VWDE: variants seen among roughly 807,000 people sequenced by gnomAD.
VWDE encodes von Willebrand factor D and EGF domain-containing protein.
VWDE carries 207 observed loss-of-function variants against 178.4 expected under a neutral mutation model. That is an observed-to-expected ratio of 1.16 (90% confidence interval 1.04 to 1.30). The LOEUF is 1.30. VWDE is among the 50% of genes most tolerant of loss of function. The pLI, the probability that VWDE is intolerant of heterozygous loss-of-function variation, is 0.00. For missense variants in VWDE, 2,287 were observed against 1,901.3 expected, an observed-to-expected ratio of 1.20 and a Z score of -3.77; for synonymous variants, 738 against 651.4, an observed-to-expected ratio of 1.13 and a Z score of -2.02.
At chr7:12,367,568 C>G in intron 12 of VWDE, 75 bp from the exon 13 acceptor site, 1 of 1,243,838 alleles carries the variant, frequency 8.0e-7, no homozygotes, top group Non-Finnish European at 1.1e-6. Context: ...TTTCCAAGCC[C>G]CAAATTAAAA....
At chr7:12,380,238 T>C (rs1361650132) in intron 5 of VWDE, among the ~76,000 whole-genome samples, 1 of 151,000 alleles carries the variant, frequency 6.6e-6, no homozygotes, top group South Asian at 2.1e-4. Flanking sequence ...AATAAATATA[T>C]ATATAAAAAA....
intron 1 of VWDE, among the ~76,000 whole-genome samples, chr7:12,403,087 G>T (rs1321898108): frequency 6.6e-6 from 1 of 152,088 alleles, no homozygotes; most frequent in African/African-American, 2.4e-5. Flanking sequence ...GAAGTAGGAG[G>T]GGAGTATTCG....
chr7:12,402,299 A>C (rs1409347629), intron 1 of VWDE, among the ~76,000 whole-genome samples: 1 of 152,248 alleles, frequency 6.6e-6, no homozygotes, highest in Non-Finnish European at 1.5e-5. Context: ...AAAACCATAG[A>C]GTCGCACACT....
rs370531155 is a variant in VWDE at position 12,385,033 on chromosome 7, TAG to T, written c.476-1434_476-1433del. 6.6e-4 allele frequency among the ~76,000 whole-genome samples: 101 copies of T among 152,282 alleles called. No individual in the cohort carries two copies. The South Asian group carries it at 0.011, about 17-fold the overall frequency. ...AATATAACACATATTCATATTTCCA[TAG>T]AGTCTTCTAAATAAATAATATTTCA... On this transcript the variant is annotated intron_variant, in intron 3 of 28. Coordinates refer to ENST00000275358, the MANE Select transcript of VWDE (RefSeq NM_001135924.3).
At chr7:12,344,608 G>C in intron 19 of VWDE, 139 bp from the exon 20 acceptor site, 2 of 650,002 alleles carry the variant, frequency 3.1e-6, no homozygotes, top group Non-Finnish European at 5.1e-6. Context: ...TACTGAGAAC[G>C]TAAGAATACT....
rs566126878 is a variant in VWDE at position 12,367,316 on chromosome 7, C to T, written c.2898+41G>A. On this transcript the variant is annotated intron_variant, in intron 13 of 28. Transcript: ENST00000275358. The stretch of plus-strand genomic sequence containing the variant: ...TCCAAGATAATATTAATCTGAGTAT[C>T]TCATACACTCTATTGTTTCTGAACT... 5 of 1,464,318 alleles carry T rather than the reference C, an allele frequency of 3.4e-6. No individual in the cohort carries two copies. The African/African-American group carries it at 7.2e-5, about 21-fold the overall frequency. 90.7% of individuals were successfully genotyped at this position (1,464,318 alleles called of 1,614,324 possible).
Position 12,340,383 on chromosome 7 carries a change from C to T in VWDE, c.4305G>A (p.Ser1435=), listed in dbSNP as rs756542750. Residue 1435 remains serine (S), a synonymous_variant, in exon 24 of 29, where the codon TCG becomes TCA. Coordinates refer to ENST00000275358, the MANE Select transcript of VWDE (RefSeq NM_001135924.3). Reference sequence around the variant, plus strand: ...AGAGGCAAGTATTTGGCTTATTACACGAACCACCATTGAGGCAGACAGGGT... The same window carrying T: ...AGAGGCAAGTATTTGGCTTATTACATGAACCACCATTGAGGCAGACAGGGT... ...LCDPVCLNGG[S]CNKPNTCLCP... The T allele has an allele frequency of 1.2e-5, 18 of 1,551,430 alleles. No homozygotes were observed. Among genetic ancestry groups the T allele is most frequent in the Middle Eastern group, 3.3e-4 (2 of 5,992 alleles).
Position 12,359,601 on chromosome 7 carries a change from C to G in VWDE, c.3251G>C (p.Arg1084Thr), listed in dbSNP as rs557910479. Residue 1084 changes from arginine (R) to threonine (T), a missense_variant, in exon 16 of 29, where the codon AGA becomes ACA. Physicochemically the swap from Arg to Thr is moderately conservative, Grantham distance 71. Transcript: ENST00000275358. The part of the protein sequence containing the change: ...PCLICRPKIS[R>T]FTWSFLENNQ... ...ACTTTCTAAAAATGACCAAGTAAATCTTGAAATTTTGGGTCTACAAATCAA... is the reference window on the plus strand; with the variant it reads ...ACTTTCTAAAAATGACCAAGTAAATGTTGAAATTTTGGGTCTACAAATCAA... 1.9e-5 allele frequency: 29 copies of G among 1,549,500 alleles called. No individual in the cohort carries two copies. Among genetic ancestry groups the G allele is most frequent in the Non-Finnish European group, 2.4e-5 (27 of 1,145,650 alleles).
At chr7:12,396,872 T>G (rs1583359006) in intron 1 of VWDE, among the ~76,000 whole-genome samples, 1 of 152,128 alleles carries the variant, frequency 6.6e-6, no homozygotes, top group African/African-American at 2.4e-5. Context: ...GAGATGGAAG[T>G]TGCAGTTGGC....
chr7:12,364,971 T>C (rs1278792498), intron 13 of VWDE, among the ~76,000 whole-genome samples: 3 of 152,088 alleles, frequency 2.0e-5, no homozygotes, highest in Non-Finnish European at 4.4e-5. Flanking sequence ...CAACATGGCA[T>C]GACCTCAATC....
intron 9 of VWDE, 139 bp from the exon 10 acceptor site, chr7:12,373,386 A>G (rs1323254311): frequency 3.7e-6 from 3 of 813,432 alleles, no homozygotes; most frequent in East Asian, 5.3e-5. Flanking sequence ...TAAACACCTC[A>G]ATCTCTCCCA....
Position 12,331,118 on chromosome 7 carries a change from C to A in VWDE, c.*65G>T. ...CAAATAAACTCCAAGTTATCTCCAA[C>A]TTTTTCTGAACAAAATATTTCCATT... On this transcript the variant is annotated 3_prime_UTR_variant, in exon 29 of 29. Coordinates refer to ENST00000275358, the MANE Select transcript of VWDE (RefSeq NM_001135924.3). 1 of 1,419,048 alleles carries A rather than the reference C, an allele frequency of 7.0e-7. No individual in the cohort carries two copies. Among genetic ancestry groups the A allele is most frequent in the Non-Finnish European group, 9.5e-7 (1 of 1,050,520 alleles). 87.9% of individuals were successfully genotyped at this position (1,419,048 alleles called of 1,614,324 possible).
intron 16 of VWDE, among the ~76,000 whole-genome samples, chr7:12,358,384 A>AAGG (rs71027493): frequency 2.1e-5 from 3 of 144,252 alleles, no homozygotes; most frequent in African/African-American, 8.4e-5. Flanking sequence ...AAAAAATAAA[A>AAGG]GGTGGGGGGG....
chr7:12,363,553 G>C (rs772070325), intron 13 of VWDE, among the ~76,000 whole-genome samples: 19 of 151,822 alleles, frequency 1.3e-4, no homozygotes, highest in Non-Finnish European at 2.9e-5. Context: ...TACAAAAGTA[G>C]AAAAAAGCAT....
intron 7 of VWDE, among the ~76,000 whole-genome samples, chr7:12,377,041 C>T (rs1783569475): frequency 6.6e-6 from 1 of 151,954 alleles, no homozygotes; most frequent in Admixed American, 6.6e-5. Flanking sequence ...TGTGGTATGC[C>T]AATGAAATTG....
At chr7:12,394,991 T>G (rs2128563191) in intron 1 of VWDE, among the ~76,000 whole-genome samples, 1 of 152,260 alleles carries the variant, frequency 6.6e-6, no homozygotes, top group South Asian at 2.1e-4. Flanking sequence ...TCATTATAAT[T>G]AGAATTATAT....
In VWDE at chr7:12,342,798, C is replaced by G. The variant is rs1475803428; in HGVS notation, c.4174+285G>C. ...CTGCACCCATCAACTCGTCATTTAG[C>G]ATTAGGTATATCTCCTAATGCCATC... On this transcript the variant is annotated intron_variant, in intron 22 of 28. Coordinates refer to ENST00000275358, the MANE Select transcript of VWDE (RefSeq NM_001135924.3). Among the ~76,000 whole-genome samples the G allele has an allele frequency of 3.9e-5, 6 of 151,904 alleles. No homozygotes were observed. The East Asian group carries it at 1.2e-3, about 29-fold the overall frequency.
rs138244356 is a variant in VWDE, at chr7:12,367,744, TTAA to T, written c.2762-254_2762-252del. Among the ~76,000 whole-genome samples the T allele has an allele frequency of 9.2e-3, 1,394 of 152,210 alleles. 31 individuals carry two copies. Among genetic ancestry groups the T allele is most frequent in the African/African-American group, 0.032 (1,344 of 41,544 alleles). ...CTAAAATCACAGGTTTCACTAATGT[TTAA>T]TAATATTTTATATCAATTAAGGACA... is the stretch of plus-strand genomic sequence containing the variant. On this transcript the variant is annotated intron_variant, in intron 12 of 28. Transcript: ENST00000275358.
At chr7:12,368,249 A>G (rs1249976577) in intron 12 of VWDE, among the ~76,000 whole-genome samples, 2 of 150,550 alleles carry the variant, frequency 1.3e-5, no homozygotes, top group Non-Finnish European at 3.0e-5. Context: ...AAAAAAAAAT[A>G]AAAAGATAAA....
Sources: gnomAD v4.1 joint callset for allele counts (sites outside exome capture counted in the v4.1 genomes callset) on GRCh38, gnomAD v4.1.1 for gene constraint, MANE v1.5 for transcripts, NCBI Gene and HGNC (gene_info 2026-07-23, HGNC 2026-07-21) for gene names.